The following CACNG3 variants were observed in gnomAD, a reference collection of about 807,000 sequenced individuals.
CACNG3 encodes the protein voltage-dependent calcium channel gamma-3 subunit.
A neutral mutation model predicts 28.5 loss-of-function variants in CACNG3; 3 were observed. That is an observed-to-expected ratio of 0.11 (90% confidence interval 0.05 to 0.27). CACNG3 has a LOEUF of 0.27. CACNG3 is among the 10% of genes least tolerant of loss of function. The pLI, the probability that CACNG3 is intolerant of heterozygous loss-of-function variation, is 1.00. For synonymous variants in CACNG3, 174 were observed against 162.2 expected, an observed-to-expected ratio of 1.07 and a Z score of -0.55; for missense variants, 236 against 414.4, an observed-to-expected ratio of 0.57 and a Z score of 3.74.
intron 1 of CACNG3, among the ~76,000 whole-genome samples, chr16:24,314,394 A>G (rs568517707): frequency 2.0e-5 from 3 of 152,156 alleles, no homozygotes; most frequent in Admixed American, 2.0e-4. Context: ...CTTGGCCCTC[A>G]GGTCAGTCCA....
chr16:24,331,696 T>A (rs1899633164), intron 1 of CACNG3, among the ~76,000 whole-genome samples: 1 of 152,220 alleles, frequency 6.6e-6, no homozygotes, highest in Non-Finnish European at 1.5e-5. Flanking sequence ...TGCCTGCTCC[T>A]TCATGGGCCT....
chr16:24,350,420 C>T (rs536178482), intron 2 of CACNG3, among the ~76,000 whole-genome samples: 1 of 151,894 alleles, frequency 6.6e-6, no homozygotes, highest in South Asian at 2.1e-4. Flanking sequence ...GCTCAAGCCT[C>T]TTGAGCTGGG....
At chr16:24,274,884 C>G (rs78508576) in intron 1 of CACNG3, among the ~76,000 whole-genome samples, 5,040 of 152,186 alleles carry the variant, frequency 0.033, 123 homozygotes, top group Middle Eastern at 0.079. Flanking sequence ...CCCAAATTCT[C>G]GAGACAGTAA....
intron 1 of CACNG3, among the ~76,000 whole-genome samples, chr16:24,310,428 G>A (rs1899244794): frequency 6.6e-6 from 1 of 152,170 alleles, no homozygotes; most frequent in African/African-American, 2.4e-5. Flanking sequence ...GCCGGGTGTG[G>A]TGGCGCATGC....
Position 24,317,618 on chromosome 16 carries a change from GAAA to G in CACNG3, c.212-29115_212-29113del, listed in dbSNP as rs1567217486. On this transcript the variant is annotated intron_variant, in intron 1 of 3. Transcript: ENST00000005284. ...AGAAAGAAAGAAAGAAAGAAAGAAA[GAAA>G]GAAAGACAGACAGAAAGAAAGAAAA... 7.2e-4 allele frequency among the ~76,000 whole-genome samples: 48 copies of G among 67,002 alleles called. 2 individuals carry two copies. Among genetic ancestry groups the G allele is most frequent in the African/African-American group, 1.7e-3 (26 of 15,532 alleles). 44.0% of individuals were successfully genotyped at this position (67,002 alleles called of 152,430 possible). A position where few individuals can be genotyped will look rare whatever the true frequency, so the allele number is the denominator to read the frequency against.
chr16:24,306,102 G>A (rs950649148), intron 1 of CACNG3, among the ~76,000 whole-genome samples: 5 of 152,324 alleles, frequency 3.3e-5, no homozygotes, highest in Middle Eastern at 3.4e-3. Flanking sequence ...AAGCCACCAG[G>A]TGAACTTTCT....
chr16:24,296,898 G>T (rs1477813207), intron 1 of CACNG3, among the ~76,000 whole-genome samples: 1 of 152,136 alleles, frequency 6.6e-6, no homozygotes, highest in Non-Finnish European at 1.5e-5. Context: ...ACAGGAACAG[G>T]AGCTGAGAGT....
intron 1 of CACNG3, among the ~76,000 whole-genome samples, chr16:24,326,501 A>G (rs925500635): frequency 3.3e-5 from 5 of 152,124 alleles, no homozygotes; most frequent in Admixed American, 6.5e-5. Context: ...TTTCTAACCA[A>G]TGTTCCAAGA....
At chr16:24,313,005 A>AAG (rs1213199249) in intron 1 of CACNG3, among the ~76,000 whole-genome samples, 61 of 149,894 alleles carry the variant, frequency 4.1e-4, no homozygotes, top group African/African-American at 1.4e-3. Context: ...GAAAGAAAGA[A>AAG]AAAGAGAGAA....
Position 24,256,769 on chromosome 16 carries a change from C to T in CACNG3, c.15C>T (p.Asp5=), listed in dbSNP as rs1483851744. Residue 5 remains aspartate, a synonymous_variant, in exon 1 of 4, where the codon GAC becomes GAT. Coordinates refer to ENST00000005284, the MANE Select transcript of CACNG3 (RefSeq NM_006539.4). This position sits in a 1 kb window ranked among gnomAD's most constrained non-coding sequence, Gnocchi z 4.6. The part of the protein sequence containing the change: MRMC[D]RGIQMLITTV... ...CATGAAGAATTATGAGGATGTGTGA[C>T]AGAGGTATCCAGATGTTGATCACCA... 1 of 1,612,218 alleles carries T rather than the reference C, an allele frequency of 6.2e-7. No homozygotes were observed. The highest frequency in any genetic ancestry group is 1.7e-5 in the Admixed American group (1 of 60,028).
intron 1 of CACNG3, among the ~76,000 whole-genome samples, chr16:24,303,091 G>A (rs893838887): frequency 2.6e-5 from 4 of 151,612 alleles, no homozygotes; most frequent in African/African-American, 9.7e-5. Flanking sequence ...ACCGCACATG[G>A]CCTAATATTT....
chr16:24,280,821 C>CAAAAAAAAAAAAAAAAAAAAAAAAAA (rs71154295), intron 1 of CACNG3, among the ~76,000 whole-genome samples: 1 of 55,626 alleles, frequency 1.8e-5, no homozygotes, highest in African/African-American at 7.3e-5. Flanking sequence ...GAGTTTGTCT[C>CAAAAAAAAAAAAAAAAAAAAAAAAAA]AAAAAAAAAA....
intron 1 of CACNG3, among the ~76,000 whole-genome samples, chr16:24,282,503 T>C (rs1898843378): frequency 6.6e-6 from 1 of 152,062 alleles, no homozygotes; most frequent in South Asian, 2.1e-4. Context: ...TCTCGATCTG[T>C]TGACCTCGTG....
At chr16:24,315,553 CTTCTTTCTTTCTTTTCT>C (rs961721471) in intron 1 of CACNG3, among the ~76,000 whole-genome samples, 1 of 127,890 alleles carries the variant, frequency 7.8e-6, no homozygotes, top group Non-Finnish European at 1.7e-5. Context: ...TTTTTCTTTT[CTTCTTTCTTTCTTTTCT>C]TTCTTTCTTC....
At chr16:24,353,999 C>T (rs989159652) in intron 2 of CACNG3, among the ~76,000 whole-genome samples, 5 of 152,040 alleles carry the variant, frequency 3.3e-5, no homozygotes, top group African/African-American at 4.8e-5. Context: ...TCTAGACCAG[C>T]CTGGGTAACT....
chr16:24,308,284 G>A (rs1042218955), intron 1 of CACNG3, among the ~76,000 whole-genome samples: 5 of 152,114 alleles, frequency 3.3e-5, no homozygotes, highest in African/African-American at 1.2e-4. Context: ...TATGCCCCTG[G>A]CAGAAGCACC....
chr16:24,348,641 A>G (rs957984236), intron 2 of CACNG3, among the ~76,000 whole-genome samples: 1 of 152,182 alleles, frequency 6.6e-6, no homozygotes, highest in Non-Finnish European at 1.5e-5. Flanking sequence ...CAGCAGCTCA[A>G]AAAGATTCAG....
At chr16:24,327,598 T>C (rs145982370) in intron 1 of CACNG3, among the ~76,000 whole-genome samples, 43 of 147,910 alleles carry the variant, frequency 2.9e-4, no homozygotes, top group African/African-American at 1.1e-3. Flanking sequence ...CCAGCCTCAG[T>C]GACATAGTGA....
chr16:24,269,956 GAAAAGAA>G (rs1164505898), intron 1 of CACNG3, among the ~76,000 whole-genome samples: 1 of 150,506 alleles, frequency 6.6e-6, no homozygotes, highest in Non-Finnish European at 1.5e-5. Flanking sequence ...GCAAACTGAG[GAAAAGAA>G]AAAAGAAAAT....
Sources: gnomAD v4.1 joint callset for allele counts (sites outside exome capture counted in the v4.1 genomes callset) on GRCh38, gnomAD v4.1.1 for gene constraint, Gnocchi (gnomAD v3.1) non-coding constraint, MANE v1.5 for transcripts, NCBI Gene and HGNC (gene_info 2026-07-23, HGNC 2026-07-21) for gene names.